Variants in MFHAS1 observed in about 807,000 individuals in gnomAD.
MFHAS1 encodes the protein malignant fibrous histiocytoma-amplified sequence 1.
MFHAS1 carries 50 observed loss-of-function variants against 70.4 expected under a neutral mutation model. The observed-to-expected ratio is 0.71, with a 90% CI of 0.57 to 0.90. MFHAS1 has a LOEUF of 0.90. MFHAS1 is among the 40% of genes least tolerant of loss of function. The probability of loss-of-function intolerance (pLI) is 0.00; values close to 1 mark genes in which losing one functional copy is unlikely to be tolerated. For missense variants in MFHAS1, 1,795 were observed against 1,347.6 expected, an observed-to-expected ratio of 1.33 and a Z score of -5.20; for synonymous variants, 952 against 620.0, an observed-to-expected ratio of 1.54 and a Z score of -7.96.
rs1810123269 is a variant in MFHAS1, at chr8:8,892,725, G to A, written c.334C>T (p.His112Tyr). The change falls in exon 1 of 3, where the codon CAC becomes TAC. Residue 112 changes from histidine (H) to tyrosine (Y), a missense_variant. Coordinates refer to ENST00000276282, the MANE Select transcript of MFHAS1 (RefSeq NM_004225.3). The surrounding 1 kb of genome is among the most constrained non-coding windows in gnomAD (Gnocchi z 4.7). The stretch of plus-strand genomic sequence containing the variant: ...TGGCTCACGTCCAGCTCGGTGAGGT[G>A]GTGGCCGAGCTCGGCCACCGCCGGG... ...LPPAVAELGHHLTELDVSHNR... is the reference protein window; with the variant it reads ...LPPAVAELGHYLTELDVSHNR... The A allele has an allele frequency of 1.9e-6, 3 of 1,576,208 alleles. No individual in the cohort carries two copies. Among genetic ancestry groups the A allele is most frequent in the African/African-American group, 1.3e-5 (1 of 74,098 alleles).
chr8:8,872,228 C>G (rs1450291991), intron 1 of MFHAS1, among the ~76,000 whole-genome samples: 2 of 152,156 alleles, frequency 1.3e-5, no homozygotes, highest in African/African-American at 2.4e-5. Flanking sequence ...ACCAAAGAAT[C>G]GGGATTCTTT....
At chr8:8,808,030 C>T (rs956710730) in intron 1 of MFHAS1, among the ~76,000 whole-genome samples, 3 of 152,226 alleles carry the variant, frequency 2.0e-5, no homozygotes, top group Non-Finnish European at 4.4e-5. Flanking sequence ...AAATCTAGCA[C>T]CATTCTAGTA....
At chr8:8,883,707 CAA>C (rs35799658) in intron 1 of MFHAS1, among the ~76,000 whole-genome samples, 3 of 29,584 alleles carry the variant, frequency 1.0e-4, no homozygotes, top group African/African-American at 2.8e-4. Context: ...GACTCAGTCT[CAA>C]AAAAAAAAAA....
intron 1 of MFHAS1, among the ~76,000 whole-genome samples, chr8:8,870,290 CAAAA>C (rs61229252): frequency 6.7e-4 from 76 of 113,134 alleles, no homozygotes; most frequent in African/African-American, 2.6e-3. Flanking sequence ...CCTGTCTCTA[CAAAA>C]AAAAAAAAAA....
chr8:8,842,116 A>C (rs1807849887), intron 1 of MFHAS1, among the ~76,000 whole-genome samples: 1 of 152,212 alleles, frequency 6.6e-6, no homozygotes, highest in Admixed American at 6.5e-5. Flanking sequence ...TTTCAAGGGA[A>C]GTCCTGAAAG....
In MFHAS1 at chr8:8,889,030, C is replaced by CAA. The variant is rs35143515; in HGVS notation, c.2998+1029_2998+1030dup. On this transcript the variant is annotated intron_variant, in intron 1 of 2. Transcript: ENST00000276282. ...GCTCTAAGAAAAAAAAAAAAGTCTT[C>CAA]AAAAAAAAAAAAAACAAAAAACCCC... is the stretch of plus-strand genomic sequence containing the variant. Among the ~76,000 whole-genome samples, 257 of 99,016 alleles carry CAA rather than the reference C, an allele frequency of 2.6e-3. 1 individual carries two copies. Among genetic ancestry groups the CAA allele is most frequent in the Admixed American group, 0.014 (138 of 10,062 alleles). 65.0% of individuals were successfully genotyped at this position (99,016 alleles called of 152,430 possible).
At chr8:8,829,326 C>A (rs1315064390) in intron 1 of MFHAS1, among the ~76,000 whole-genome samples, 1 of 152,212 alleles carries the variant, frequency 6.6e-6, no homozygotes, top group African/African-American at 2.4e-5. Flanking sequence ...ACATCATCTT[C>A]TTCACTGCCT....
chr8:8,799,893 T>C (rs140010108), intron 1 of MFHAS1, among the ~76,000 whole-genome samples: 15 of 152,352 alleles, frequency 9.8e-5, no homozygotes, highest in African/African-American at 3.4e-4. Flanking sequence ...ACAATGGCCC[T>C]AGATGGGTTT....
At chr8:8,836,216 A>G (rs907851696) in intron 1 of MFHAS1, among the ~76,000 whole-genome samples, 7 of 152,220 alleles carry the variant, frequency 4.6e-5, no homozygotes, top group African/African-American at 1.7e-4. Flanking sequence ...CACTGTTTCA[A>G]TTGCAAATTT....
intron 1 of MFHAS1, among the ~76,000 whole-genome samples, chr8:8,879,815 A>G (rs1165161420): frequency 6.6e-6 from 1 of 152,254 alleles, no homozygotes; most frequent in African/African-American, 2.4e-5. Context: ...ACTTCTGTAT[A>G]GAGCAGGTAT....
rs1810003088 is a variant in MFHAS1 at position 8,891,101 on chromosome 8, G to A, written c.1958C>T (p.Pro653Leu). 6.2e-7 allele frequency: 1 copy of A among 1,613,918 alleles called. No homozygotes were observed. The highest frequency in any genetic ancestry group is 8.5e-7 in the Non-Finnish European group (1 of 1,180,002). Residue 653 changes from proline (P) to leucine (L), a missense_variant, in exon 1 of 3, where the codon CCC (proline) becomes CTC (leucine). Coordinates refer to ENST00000276282, the MANE Select transcript of MFHAS1 (RefSeq NM_004225.3). The surrounding 1 kb of genome is among the most constrained non-coding windows in gnomAD (Gnocchi z 5.4). ...LSVAEHREIFPNLHRVLPRSW... is the reference protein window; with the variant it reads ...LSVAEHREIFLNLHRVLPRSW... ...TCGAGGCAGTACTCTGTGTAAGTTG[G>A]GGAAGATCTCTCGGTGCTCAGCAAC...
chr8:8,860,926 A>C (rs1451416592), intron 1 of MFHAS1, among the ~76,000 whole-genome samples: 1 of 152,196 alleles, frequency 6.6e-6, no homozygotes, highest in Non-Finnish European at 1.5e-5. Context: ...CACTTATTTC[A>C]TCACTATGAA....
At position 8,893,160 on chromosome 8, in the gene MFHAS1, C is replaced by A. The variant is rs372812955; in HGVS notation, c.-102G>T. The A allele has an allele frequency of 5.4e-6, 4 of 746,392 alleles. No homozygotes were observed. In the South Asian group the frequency reaches 1.9e-4, roughly 36 times the overall value. 46.2% of individuals were successfully genotyped at this position (746,392 alleles called of 1,614,324 possible). A position where few individuals can be genotyped will look rare whatever the true frequency, so the allele number is the denominator to read the frequency against. On this transcript the variant is annotated 5_prime_UTR_variant, in exon 1 of 3. Transcript: ENST00000276282. ...CGGCTCCTGCCCCTGCCTGCCCTCC[C>A]GCGCTCGGCGGCCGGCGGCCGCGGG... is the stretch of plus-strand genomic sequence containing the variant.
At chr8:8,883,707 CAAAAA>C (rs35799658) in intron 1 of MFHAS1, among the ~76,000 whole-genome samples, 183 of 29,578 alleles carry the variant, frequency 6.2e-3, no homozygotes, top group African/African-American at 0.025. Context: ...GACTCAGTCT[CAAAAA>C]AAAAAAAAAA....
chr8:8,883,762 A>C lies in MFHAS1; in HGVS notation c.2998+6299T>G, dbSNP rs185479507. On this transcript the variant is annotated intron_variant, in intron 1 of 2. Transcript: ENST00000276282. ...GGCTCCCATGGATAGAAGCAAGTTA[A>C]TAGGTAGATGAGAAGAAAAACAGAA... Among the ~76,000 whole-genome samples, 11 of 151,700 alleles carry C rather than the reference A, an allele frequency of 7.3e-5. 2 individuals carry two copies. Among genetic ancestry groups the C allele is most frequent in the African/African-American group, 2.7e-4 (11 of 41,384 alleles).
chr8:8,789,613 T>A (rs1805661121), intron 2 of MFHAS1, among the ~76,000 whole-genome samples: 1 of 152,178 alleles, frequency 6.6e-6, no homozygotes, highest in Non-Finnish European at 1.5e-5. Context: ...GTATTAACCA[T>A]GTCTTTTATT....
In MFHAS1 at chr8:8,892,521, G is replaced by C. The variant is rs369037183; in HGVS notation, c.538C>G (p.Leu180Val). Reference sequence around the variant, plus strand: ...ACGTCCAGGGTGCGCAGGCGGGAGAGGCAGGAGAGGGAGTCAGGCAGGTGC... The same window carrying C: ...ACGTCCAGGGTGCGCAGGCGGGAGACGCAGGAGAGGGAGTCAGGCAGGTGC... ...LAHLPDSLSC[L>V]SRLRTLDVDH... is the part of the protein sequence containing the mutation. Residue 180 changes from leucine (L) to valine (V), a missense_variant, in exon 1 of 3, where the codon CTC becomes GTC. Leu to Val is a conservative substitution (Grantham distance 32). Coordinates refer to ENST00000276282, the MANE Select transcript of MFHAS1 (RefSeq NM_004225.3). This position sits in a 1 kb window ranked among gnomAD's most constrained non-coding sequence, Gnocchi z 4.7. The C allele has an allele frequency of 1.9e-6, 3 of 1,596,662 alleles. No individual in the cohort carries two copies. Among genetic ancestry groups the C allele is most frequent in the South Asian group, 1.1e-5 (1 of 89,364 alleles).
At chr8:8,873,347 A>C (rs1160962164) in intron 1 of MFHAS1, among the ~76,000 whole-genome samples, 3 of 152,122 alleles carry the variant, frequency 2.0e-5, no homozygotes, top group African/African-American at 7.2e-5. Flanking sequence ...AAGACCAAAC[A>C]CTTCAATGAG....
intron 1 of MFHAS1, among the ~76,000 whole-genome samples, chr8:8,829,630 G>A (rs553187373): frequency 2.0e-5 from 3 of 152,290 alleles, no homozygotes; most frequent in East Asian, 1.9e-4. Flanking sequence ...GCAGTGAGCC[G>A]AGATCACGCC....
Sources: allele counts gnomAD v4.1 joint callset (sites outside exome capture counted in the v4.1 genomes callset), GRCh38; gene constraint gnomAD v4.1.1; non-coding constraint Gnocchi (gnomAD v3.1); transcripts MANE v1.5; gene names NCBI Gene and HGNC (gene_info 2026-07-23, HGNC 2026-07-21).